EFCC1: variants seen among roughly 807,000 people sequenced by gnomAD.
EFCC1 encodes EF-hand and coiled-coil domain containing 1, also known as EF-hand and coiled-coil domain-containing protein 1.
A neutral mutation model predicts 52.1 loss-of-function variants in EFCC1; 50 were observed. That is an observed-to-expected ratio of 0.96 (90% confidence interval 0.76 to 1.21). The LOEUF is 1.21. EFCC1 is among the 50% of genes most tolerant of loss of function. The probability of loss-of-function intolerance (pLI) is 0.00; values close to 1 mark genes in which losing one functional copy is unlikely to be tolerated. For missense variants in EFCC1, 837 were observed against 867.3 expected (o/e 0.97, Z 0.44); for synonymous variants, 399 against 396.5 (o/e 1.01, Z -0.08).
chr3:129,019,764 C>CTTTTTT (rs760118112), intron 2 of EFCC1, among the ~76,000 whole-genome samples: 15 of 107,430 alleles, frequency 1.4e-4, no homozygotes, highest in East Asian at 3.0e-4. Context: ...ATTAAATTTA[C>CTTTTTT]TTTTTTTTTT....
chr3:129,027,167 TTG>T (rs1447396613), intron 2 of EFCC1, among the ~76,000 whole-genome samples: 2 of 151,926 alleles, frequency 1.3e-5, no homozygotes, highest in African/African-American at 2.4e-5. Context: ...CAGACGCTCC[TTG>T]TGTTTCATTG....
At position 129,039,869 on chromosome 3, in the gene EFCC1, G is replaced by A. The variant is rs1177965773; in HGVS notation, c.*21G>A. The A allele has an allele frequency of 1.9e-6, 3 of 1,584,962 alleles. No individual in the cohort carries two copies. The African/African-American group carries it at 4.0e-5, about 21-fold the overall frequency. ...GCTGAGGTTACTGGCCCACCCTGTG[G>A]GCACCCTGCTCAGCCTGACTGCCTT... On this transcript the variant is annotated 3_prime_UTR_variant, in exon 8 of 8. Transcript: ENST00000683648.
Position 129,034,217 on chromosome 3 carries a change from G to A in EFCC1, c.1340G>A (p.Gly447Asp). The change falls in exon 5 of 8, where the codon GGT becomes GAT. Residue 447 changes from glycine (G) to aspartate (D), a missense_variant. Gly to Asp is a moderately conservative substitution (Grantham distance 94). Coordinates refer to ENST00000683648, the MANE Select transcript of EFCC1 (RefSeq NM_001377500.1). Reference sequence around the variant, plus strand: ...ATGACTTACTTTGGTCACTTCGGCGGTGCCAACCATGCCCATACCCTGGGG... The same window carrying A: ...ATGACTTACTTTGGTCACTTCGGCGATGCCAACCATGCCCATACCCTGGGG... ...KLMTYFGHFG[G>D]ANHAHTLGEL... is the part of the protein sequence containing the mutation. 6.2e-7 allele frequency: 1 copy of A among 1,614,230 alleles called. No homozygotes were observed. The highest frequency in any genetic ancestry group is 1.6e-4 in the Middle Eastern group (1 of 6,062).
intron 2 of EFCC1, among the ~76,000 whole-genome samples, chr3:129,004,538 C>T (rs961172482): frequency 4.7e-5 from 7 of 150,384 alleles, no homozygotes; most frequent in African/African-American, 1.7e-4. Flanking sequence ...ATCCCCCCAC[C>T]CACCCAGCCA....
intron 2 of EFCC1, among the ~76,000 whole-genome samples, chr3:129,007,582 G>T (rs75727104): frequency 6.6e-6 from 1 of 152,180 alleles, no homozygotes; most frequent in Non-Finnish European, 1.5e-5. Flanking sequence ...ACTGACTCAC[G>T]CTGATCTTCT....
At position 129,007,302 on chromosome 3, in the gene EFCC1, G is replaced by A. The variant is rs184252616; in HGVS notation, c.980+3225G>A. 9.8e-5 allele frequency among the ~76,000 whole-genome samples: 15 copies of A among 152,304 alleles called. No homozygotes were observed. The East Asian group carries it at 2.9e-3, about 29-fold the overall frequency. On this transcript the variant is annotated intron_variant, in intron 2 of 7. Coordinates refer to ENST00000683648, the MANE Select transcript of EFCC1 (RefSeq NM_001377500.1). ...GTGACTATTGAGCTGAATCAGCCCC[G>A]TCCTCTGCAGTTGGCCTAGAGGGCT...
Position 129,001,497 on chromosome 3 carries a change from G to T in EFCC1, c.-132G>T. ...GAGGCCAGCGCAGCTGCTGGACACG[G>T]TCCCCGGCGCCGCTCCAACCAGACC... On this transcript the variant is annotated 5_prime_UTR_variant, in exon 1 of 8. Coordinates refer to ENST00000683648, the MANE Select transcript of EFCC1 (RefSeq NM_001377500.1). 1 of 1,290,110 alleles carries T rather than the reference G, an allele frequency of 7.8e-7. No individual in the cohort carries two copies. Among genetic ancestry groups the T allele is most frequent in the Non-Finnish European group, 9.9e-7 (1 of 1,013,286 alleles). 79.9% of individuals were successfully genotyped at this position (1,290,110 alleles called of 1,614,324 possible). A position where few individuals can be genotyped will look rare whatever the true frequency, so the allele number is the denominator to read the frequency against.
intron 2 of EFCC1, among the ~76,000 whole-genome samples, chr3:129,021,879 C>A (rs1446564671): frequency 6.6e-6 from 1 of 152,136 alleles, no homozygotes; most frequent in Non-Finnish European, 1.5e-5. Context: ...TAGGGCATCA[C>A]ATTAATTTTT....
chr3:129,029,283 C>T (rs1215566538), intron 2 of EFCC1, among the ~76,000 whole-genome samples: 6 of 152,114 alleles, frequency 3.9e-5, no homozygotes, highest in Non-Finnish European at 8.8e-5. Context: ...TTTCTTTCTC[C>T]CCTATCTTGT....
At chr3:129,006,005 T>G (rs1483790446) in intron 2 of EFCC1, among the ~76,000 whole-genome samples, 1 of 152,274 alleles carries the variant, frequency 6.6e-6, no homozygotes, top group Non-Finnish European at 1.5e-5. Flanking sequence ...CATAGCCCTT[T>G]ACAATAGAAA....
At chr3:129,020,793 A>G (rs114220565) in intron 2 of EFCC1, among the ~76,000 whole-genome samples, 4 of 152,216 alleles carry the variant, frequency 2.6e-5, no homozygotes, top group African/African-American at 9.6e-5. Context: ...CAGGGGAGGG[A>G]GCCAGGAAGG....
At position 129,002,260 on chromosome 3, in the gene EFCC1, G is replaced by C; in HGVS notation, c.632G>C (p.Arg211Pro). 1.3e-6 allele frequency: 2 copies of C among 1,531,204 alleles called. No individual in the cohort carries two copies. Among genetic ancestry groups the C allele is most frequent in the East Asian group, 2.5e-5 (1 of 39,998 alleles). 94.9% of individuals were successfully genotyped at this position (1,531,204 alleles called of 1,614,324 possible). Residue 211 changes from arginine to proline, a missense_variant, in exon 1 of 8, where the codon CGC becomes CCC. Coordinates refer to ENST00000683648, the MANE Select transcript of EFCC1 (RefSeq NM_001377500.1). ...ARLEEENSSL[R>P]ELVEDLRAAL... is the part of the protein sequence containing the mutation. Reference sequence around the variant, plus strand: ...CTGGAGGAGGAGAATAGCAGCTTGCGCGAGTTGGTGGAGGACCTGCGCGCC... The same window carrying C: ...CTGGAGGAGGAGAATAGCAGCTTGCCCGAGTTGGTGGAGGACCTGCGCGCC...
Position 129,034,212 on chromosome 3 carries a change from C to T in EFCC1, c.1335C>T (p.Phe445=), listed in dbSNP as rs144276832. 5.0e-5 allele frequency: 81 copies of T among 1,614,102 alleles called. 1 individual carries two copies. Among genetic ancestry groups the T allele is most frequent in the Middle Eastern group, 3.3e-4 (2 of 6,084 alleles). ...AGCTCATGACTTACTTTGGTCACTT[C>T]GGCGGTGCCAACCATGCCCATACCC... ...AEKLMTYFGH[F]GGANHAHTLG... Residue 445 remains phenylalanine, a synonymous_variant, in exon 5 of 8, where the codon TTC becomes TTT. Coordinates refer to ENST00000683648, the MANE Select transcript of EFCC1 (RefSeq NM_001377500.1).
At chr3:129,020,554 T>C (rs1487674947) in intron 2 of EFCC1, among the ~76,000 whole-genome samples, 1 of 152,180 alleles carries the variant, frequency 6.6e-6, no homozygotes, top group Non-Finnish European at 1.5e-5. Flanking sequence ...GGAGGATCAC[T>C]TGAGCCTGGG....
At chr3:129,008,536 C>T (rs1945175534) in intron 2 of EFCC1, among the ~76,000 whole-genome samples, 1 of 152,218 alleles carries the variant, frequency 6.6e-6, no homozygotes, top group Non-Finnish European at 1.5e-5. Context: ...AATATGTAAG[C>T]AATTGGAGAC....
intron 6 of EFCC1, 99 bp from the exon 7 acceptor site, chr3:129,038,732 G>A (rs552888025): frequency 8.4e-6 from 10 of 1,187,530 alleles, no homozygotes; most frequent in African/African-American, 3.0e-5. Context: ...TCTGTCCCCA[G>A]GGAGCTGCCT....
At chr3:129,034,401 T>G in intron 5 of EFCC1, 72 bp downstream of exon 5, 1 of 1,530,414 alleles carries the variant, frequency 6.5e-7, no homozygotes, top group Non-Finnish European at 8.9e-7. Context: ...TCTGAGGGAT[T>G]GCAGCCAAGT....
chr3:129,028,038 A>G (rs890305854), intron 2 of EFCC1, among the ~76,000 whole-genome samples: 2 of 152,110 alleles, frequency 1.3e-5, no homozygotes, highest in African/African-American at 4.8e-5. Flanking sequence ...ATGAGTTGTC[A>G]TACTATTTAA....
At chr3:129,021,859 A>G (rs191877062) in intron 2 of EFCC1, among the ~76,000 whole-genome samples, 73 of 152,290 alleles carry the variant, frequency 4.8e-4, no homozygotes, top group African/African-American at 1.6e-3. Context: ...TTTCTCTTTT[A>G]AATTACCATT....
Sources: gnomAD v4.1 joint callset for allele counts (sites outside exome capture counted in the v4.1 genomes callset) on GRCh38, gnomAD v4.1.1 for gene constraint, MANE v1.5 for transcripts, NCBI Gene and HGNC (gene_info 2026-07-23, HGNC 2026-07-21) for gene names.